ATP8B4: variants seen among roughly 807,000 people sequenced by gnomAD.
ATP8B4 encodes the protein probable phospholipid-transporting ATPase IM.
A neutral mutation model predicts 145.6 loss-of-function variants in ATP8B4; 133 were observed. The observed-to-expected ratio is 0.91, with a 90% CI of 0.79 to 1.05. The LOEUF (loss-of-function observed/expected upper bound fraction) is 1.05. Among genes scored for constraint, ATP8B4 ranks in the 50% least tolerant of loss-of-function variants. The pLI is 0.00. For missense variants in ATP8B4, 1,458 were observed against 1,425.2 expected (o/e 1.02, Z -0.37); for synonymous variants, 507 against 492.9 (o/e 1.03, Z -0.38).
chr15:50,127,952 A>T lies in ATP8B4; in HGVS notation c.-42-20944T>A, dbSNP rs545262006. On this transcript the variant is annotated intron_variant, in intron 1 of 3. Coordinates refer to the ATP8B4 transcript ENST00000558829. ...GCCATCTTTAGGTAGAGTGTGCCCCAGTCTCAAGGCCCAGGAGCTACAGCA... is the reference window on the plus strand; with the variant it reads ...GCCATCTTTAGGTAGAGTGTGCCCCTGTCTCAAGGCCCAGGAGCTACAGCA... 3.1e-3 allele frequency among the ~76,000 whole-genome samples: 471 copies of T among 152,270 alleles called. 1 individual carries two copies. The highest frequency in any genetic ancestry group is 0.011 in the African/African-American group (455 of 41,554).
At position 49,860,449 on chromosome 15, in the gene ATP8B4, C is replaced by G. The variant is rs748122527; in HGVS notation, c.3324G>C (p.Lys1108Asn). Residue 1108 changes from lysine to asparagine, a missense_variant, in exon 28 of 28, where the codon AAG becomes AAC. Coordinates refer to ENST00000284509, the MANE Select transcript of ATP8B4 (RefSeq NM_024837.4). ...TTCGGCTACTTGGAGGCCTTGCCTT[C>G]TTTTGAGCCTTCTGCCACCGGCGGA... ...DQIRRWQKAQ[K>N]KARPPSSRRP... The G allele has an allele frequency of 5.6e-6, 9 of 1,611,824 alleles. No homozygotes were observed. In the South Asian group the frequency reaches 9.9e-5, roughly 18 times the overall value.
At chr15:50,026,680 TG>T in intron 6 of ATP8B4, among the ~76,000 whole-genome samples, 1 of 152,220 alleles carries the variant, frequency 6.6e-6, no homozygotes. Context: ...CTCAAGTCCT[TG>T]GTCCTCAGTC....
In ATP8B4 at chr15:49,862,330, A is replaced by C; in HGVS notation, c.3212T>G (p.Ile1071Ser). The change falls in exon 27 of 28, where the codon ATT (isoleucine) becomes AGT (serine). Residue 1071 changes from isoleucine (I) to serine (S), a missense_variant. Ile to Ser is a moderately radical substitution (Grantham distance 142). Coordinates refer to ENST00000284509, the MANE Select transcript of ATP8B4 (RefSeq NM_024837.4). ...SLTQKCIWLV[I>S]LLTTVASVMP... ...AACTGAAGCCACTGTTGTTAAGAGA[A>C]TTACAAGCCAGATGCACTTCTGGGT... 1 of 1,613,890 alleles carries C rather than the reference A, an allele frequency of 6.2e-7. No individual in the cohort carries two copies. Among genetic ancestry groups the C allele is most frequent in the Non-Finnish European group, 8.5e-7 (1 of 1,179,808 alleles).
intron 13 of ATP8B4, among the ~76,000 whole-genome samples, chr15:49,965,788 C>T (rs1247761645): frequency 1.3e-5 from 2 of 152,072 alleles, no homozygotes; most frequent in Admixed American, 1.3e-4. Flanking sequence ...TGGTTCTATT[C>T]AGCACTACAA....
At chr15:50,163,941 G>A (rs1468635698) in intron 1 of ATP8B4, among the ~76,000 whole-genome samples, 1 of 152,122 alleles carries the variant, frequency 6.6e-6, no homozygotes, top group Non-Finnish European at 1.5e-5. Context: ...GTACTGCCTG[G>A]CTACTTCCAG....
chr15:49,914,200 A>G (rs186035799), intron 20 of ATP8B4, among the ~76,000 whole-genome samples: 9 of 152,308 alleles, frequency 5.9e-5, no homozygotes, highest in Admixed American at 6.5e-5. Context: ...GATTTTTGAC[A>G]AAGACACTAA....
chr15:50,074,299 C>T (rs2054038595), intron 2 of ATP8B4, 114 bp from the exon 3 acceptor site: 1 of 911,094 alleles, frequency 1.1e-6, no homozygotes, highest in Non-Finnish European at 1.7e-6. Context: ...GAATTCTTTT[C>T]TTTCAAATTT....
intron 25 of ATP8B4, among the ~76,000 whole-genome samples, chr15:49,872,421 A>G (rs1350941730): frequency 6.6e-6 from 1 of 152,178 alleles, no homozygotes; most frequent in Non-Finnish European, 1.5e-5. Flanking sequence ...GGACTCAGCG[A>G]CTTACTTTTA....
intron 4 of ATP8B4, among the ~76,000 whole-genome samples, chr15:50,046,942 T>C (rs908105363): frequency 6.6e-6 from 1 of 152,202 alleles, no homozygotes; most frequent in African/African-American, 2.4e-5. Context: ...TATGTCACTG[T>C]TCTTAAATGA....
chr15:50,060,002 A>G (rs1350396722), intron 3 of ATP8B4, among the ~76,000 whole-genome samples: 3 of 152,106 alleles, frequency 2.0e-5, no homozygotes, highest in Non-Finnish European at 2.9e-5. Context: ...TCTTCCCACA[A>G]TTGTCATTTC....
intron 3 of ATP8B4, among the ~76,000 whole-genome samples, chr15:50,066,530 G>A (rs562337021): frequency 1.3e-5 from 2 of 152,276 alleles, no homozygotes; most frequent in South Asian, 2.1e-4. Context: ...AAGAAGAATA[G>A]AGACCCAAAT....
intron 20 of ATP8B4, among the ~76,000 whole-genome samples, chr15:49,912,726 A>G (rs547629683): frequency 1.3e-5 from 2 of 152,228 alleles, no homozygotes; most frequent in Admixed American, 1.3e-4. Flanking sequence ...AAAAAAGAAA[A>G]CTACAGATCA....
intron 2 of ATP8B4, among the ~76,000 whole-genome samples, chr15:50,090,914 T>C: frequency 6.6e-6 from 1 of 152,176 alleles, no homozygotes. Flanking sequence ...AATTAGCTTT[T>C]TCACCATGTA....
intron 1 of ATP8B4, among the ~76,000 whole-genome samples, chr15:50,160,704 ATTTC>A (rs2044505387): frequency 1.3e-5 from 2 of 150,726 alleles, no homozygotes; most frequent in South Asian, 2.1e-4. Context: ...CTTGTTACTG[ATTTC>A]TTTTTTATTC....
chr15:50,016,046 T>C (rs1319460775), intron 6 of ATP8B4, among the ~76,000 whole-genome samples: 2 of 152,206 alleles, frequency 1.3e-5, no homozygotes, highest in East Asian at 3.9e-4. Context: ...ACAGATGCCC[T>C]GCCTAATTTA....
intron 8 of ATP8B4, among the ~76,000 whole-genome samples, chr15:50,001,558 A>C (rs957166942): frequency 6.6e-6 from 1 of 152,232 alleles, no homozygotes; most frequent in South Asian, 2.1e-4. Context: ...CACCTACATC[A>C]GGATTAAATG....
intron 2 of ATP8B4, among the ~76,000 whole-genome samples, chr15:50,102,954 A>T (rs553534749): frequency 6.6e-6 from 1 of 152,328 alleles, no homozygotes; most frequent in African/African-American, 2.4e-5. Context: ...CAAGTCAATA[A>T]ATGTGATACA....
At chr15:50,088,855 T>G (rs1252443223) in intron 2 of ATP8B4, among the ~76,000 whole-genome samples, 3 of 152,174 alleles carry the variant, frequency 2.0e-5, no homozygotes, top group African/African-American at 7.2e-5. Context: ...GATGGCTAGA[T>G]AGATGAATGG....
chr15:49,881,112 A>AAAAC (rs144894060), intron 23 of ATP8B4, among the ~76,000 whole-genome samples: 12 of 149,492 alleles, frequency 8.0e-5, no homozygotes, highest in South Asian at 2.1e-4. Context: ...ACTCCGTCTC[A>AAAAC]AAACAAACAA....
Sources: gnomAD v4.1 joint callset for allele counts (sites outside exome capture counted in the v4.1 genomes callset) on GRCh38, gnomAD v4.1.1 for gene constraint, MANE v1.5 for transcripts, NCBI Gene and HGNC (gene_info 2026-07-23, HGNC 2026-07-21) for gene names.